The following PDE1C variants were observed in gnomAD, a reference collection of about 807,000 sequenced individuals.
The protein encoded by PDE1C is dual specificity calcium/calmodulin-dependent 3',5'-cyclic nucleotide phosphodiesterase 1C.
In PDE1C, 62 loss-of-function variants were observed where a neutral mutation model predicts 93.1. That is an observed-to-expected ratio of 0.67 (90% CI 0.54 to 0.82). The LOEUF is 0.82. Among genes scored for constraint, PDE1C ranks in the 40% least tolerant of loss-of-function variants. PDE1C has a pLI of 0.00. For missense variants in PDE1C, 742 were observed against 884.6 expected (o/e 0.84, Z 2.04); for synonymous variants, 325 against 310.1 (o/e 1.05, Z -0.50).
intron 3 of PDE1C, among the ~76,000 whole-genome samples, chr7:32,124,322 C>T (rs1038243963): frequency 2.0e-5 from 3 of 152,044 alleles, no homozygotes; most frequent in East Asian, 3.9e-4. Flanking sequence ...CAAACTACCA[C>T]TAACATACTT....
At chr7:31,718,009 T>G in the PDE1C span, among the ~76,000 whole-genome samples, 4 of 151,246 alleles carry the variant, frequency 2.6e-5, no homozygotes, top group Non-Finnish European at 4.4e-5. Context: ...GATATGAGAG[T>G]AGGTGAAATA....
At chr7:32,414,830 T>TAAAA (rs11438774) in intron 1 of PDE1C, among the ~76,000 whole-genome samples, 1 of 138,800 alleles carries the variant, frequency 7.2e-6, no homozygotes, top group African/African-American at 2.9e-5. Context: ...ATGCCAATGA[T>TAAAA]AAAAAAAAAA....
At chr7:31,766,461 C>T (rs886068724) in intron 17 of PDE1C, among the ~76,000 whole-genome samples, 1 of 152,032 alleles carries the variant, frequency 6.6e-6, no homozygotes, top group East Asian at 1.9e-4. Flanking sequence ...AATACCCATA[C>T]TCTCAATAAA....
chr7:31,775,535 T>A (rs1049325251), intron 17 of PDE1C, 129 bp downstream of exon 17: 15 of 707,778 alleles, frequency 2.1e-5, no homozygotes, highest in Non-Finnish European at 3.4e-5. Context: ...GAGACAAAGC[T>A]CTCTGATAAC....
intron 1 of PDE1C, among the ~76,000 whole-genome samples, chr7:32,373,684 C>T (rs1487110429): frequency 6.6e-6 from 1 of 152,114 alleles, no homozygotes; most frequent in East Asian, 1.9e-4. Context: ...TTTGACATTC[C>T]TCCCATAGAA....
intron 1 of PDE1C, among the ~76,000 whole-genome samples, chr7:32,406,181 C>G (rs930715616): frequency 4.6e-5 from 7 of 152,170 alleles, no homozygotes; most frequent in African/African-American, 1.7e-4. Flanking sequence ...TTTCATCTAC[C>G]TCTTTCCCCT....
At chr7:32,381,479 C>T (rs966446006) in intron 1 of PDE1C, among the ~76,000 whole-genome samples, 1 of 152,134 alleles carries the variant, frequency 6.6e-6, no homozygotes, top group African/African-American at 2.4e-5. Context: ...ACCCCAACTA[C>T]TTCTGTGCTC....
At chr7:32,087,951 T>C (rs1171371191) in intron 3 of PDE1C, among the ~76,000 whole-genome samples, 2 of 151,586 alleles carry the variant, frequency 1.3e-5, no homozygotes, top group Admixed American at 6.6e-5. Flanking sequence ...TGTATACATA[T>C]GTAACAAACC....
chr7:32,408,872 AAG>A (rs1424469208), intron 1 of PDE1C, among the ~76,000 whole-genome samples: 2 of 152,210 alleles, frequency 1.3e-5, no homozygotes, highest in African/African-American at 4.8e-5. Context: ...CTAGATGAAA[AAG>A]AAAATTTTCT....
chr7:31,754,797 A>G (rs1794350502), intron 17 of PDE1C, among the ~76,000 whole-genome samples: 2 of 152,372 alleles, frequency 1.3e-5, no homozygotes, highest in South Asian at 4.1e-4. Context: ...AAACTCTCGC[A>G]TACAATACTG....
At chr7:31,704,440 GCAGC>G in the PDE1C span, among the ~76,000 whole-genome samples, 1 of 152,208 alleles carries the variant, frequency 6.6e-6, no homozygotes, top group African/African-American at 2.4e-5. Flanking sequence ...GCTCTTACAA[GCAGC>G]CAAGTTCCCT....
chr7:31,875,401 T>C (rs771553062), intron 5 of PDE1C, among the ~76,000 whole-genome samples: 4 of 152,138 alleles, frequency 2.6e-5, no homozygotes, highest in African/African-American at 4.8e-5. Flanking sequence ...GGCTTAGCTG[T>C]AATTCTCAGT....
At chr7:32,256,769 A>T (rs976833354) in intron 1 of PDE1C, among the ~76,000 whole-genome samples, 6 of 152,226 alleles carry the variant, frequency 3.9e-5, no homozygotes, top group Non-Finnish European at 8.8e-5. Context: ...AGGCAATAAC[A>T]TCTATTCTAC....
intron 2 of PDE1C, among the ~76,000 whole-genome samples, chr7:31,919,087 T>C (rs1351420545): frequency 6.6e-6 from 1 of 152,230 alleles, no homozygotes; most frequent in Non-Finnish European, 1.5e-5. Context: ...TGTAAGTATC[T>C]TGCCAATTGT....
intron 2 of PDE1C, among the ~76,000 whole-genome samples, chr7:31,959,763 T>C (rs1808661851): frequency 6.6e-6 from 1 of 152,148 alleles, no homozygotes; most frequent in Non-Finnish European, 1.5e-5. Flanking sequence ...AGGTGCCAAA[T>C]CAAATAAAAT....
the PDE1C span, among the ~76,000 whole-genome samples, chr7:31,630,261 A>AC: frequency 6.6e-6 from 1 of 151,552 alleles, no homozygotes; most frequent in East Asian, 1.9e-4. Flanking sequence ...AAAAAAAAAA[A>AC]ACATTGAAAA....
intron 17 of PDE1C, among the ~76,000 whole-genome samples, chr7:31,763,858 C>T (rs1442257762): frequency 2.0e-5 from 3 of 152,004 alleles, no homozygotes; most frequent in African/African-American, 7.2e-5. Flanking sequence ...GATCTCACCA[C>T]ACAATGAAGA....
rs181419095 is a variant in PDE1C, at chr7:32,120,499, G to A, written c.308+49286C>T. 1.3e-3 allele frequency among the ~76,000 whole-genome samples: 199 copies of A among 152,234 alleles called. 2 individuals carry two copies. Among genetic ancestry groups the A allele is most frequent in the Admixed American group, 2.2e-3 (34 of 15,290 alleles). ...TACTGGCATCAGGTTGGTACCCCAC[G>A]AGGTCAGAGATCCCAGAAGAAGGAG... On this transcript the variant is annotated intron_variant, in intron 3 of 18. Transcript: ENST00000396193.
intron 2 of PDE1C, among the ~76,000 whole-genome samples, chr7:32,177,965 G>A (rs775865379): frequency 2.6e-5 from 4 of 152,200 alleles, no homozygotes; most frequent in Non-Finnish European, 4.4e-5. Context: ...TGAAGAGGGA[G>A]CATTTATCTG....
Sources: gnomAD v4.1 joint callset for allele counts (sites outside exome capture counted in the v4.1 genomes callset) on GRCh38, gnomAD v4.1.1 for gene constraint, MANE v1.5 for transcripts, NCBI Gene and HGNC (gene_info 2026-07-23, HGNC 2026-07-21) for gene names.